Variants in DNM2 observed in about 807,000 individuals in gnomAD.
DNM2 encodes the protein dynamin 2.
DNM2 carries 15 observed loss-of-function variants against 99.0 expected under a neutral mutation model. The observed-to-expected ratio is 0.15, with a 90% CI of 0.10 to 0.23. The LOEUF is 0.23. DNM2 is among the 10% of genes least tolerant of loss of function. DNM2 has a pLI of 1.00. For synonymous variants in DNM2, 525 were observed against 481.2 expected (o/e 1.09, Z -1.19); for missense variants, 742 against 1,189.4 (o/e 0.62, Z 5.53).
intron 7 of DNM2, among the ~76,000 whole-genome samples, chr19:10,790,049 A>G (rs1442342575): frequency 1.3e-5 from 2 of 152,212 alleles, no homozygotes; most frequent in East Asian, 1.9e-4. Context: ...TCCTGTCAAG[A>G]GCTGGGCCTT....
At position 10,775,584 on chromosome 19, in the gene DNM2, C is replaced by T. The variant is rs923509433; in HGVS notation, c.386-119C>T. ...GGTGTGGTTCAGGCAGAGTGTCAGG[C>T]GACATCCTCAAGTCTGAGCCCCGCG... On this transcript the variant is annotated intron_variant, in intron 3 of 20. Transcript: ENST00000389253. This position sits in a 1 kb window ranked among gnomAD's most constrained non-coding sequence, Gnocchi z 4.3. 1.7e-5 allele frequency: 19 copies of T among 1,099,808 alleles called. No homozygotes were observed. The highest frequency in any genetic ancestry group is 2.1e-4 in the Middle Eastern group (1 of 4,710). 68.1% of individuals were successfully genotyped at this position (1,099,808 alleles called of 1,614,324 possible).
Position 10,795,970 on chromosome 19 carries a change from T to C in DNM2, c.1196+531T>C, listed in dbSNP as rs1293792776. The C allele has an allele frequency of 1.4e-5, 22 of 1,597,768 alleles. No individual in the cohort carries two copies. The highest frequency in any genetic ancestry group is 1.7e-5 in the Non-Finnish European group (20 of 1,173,682). ...CACATGACACAACCTTCATTCCTTG[T>C]TGGGGACCCGGCCAGGGCCAATGAA... On this transcript the variant is annotated intron_variant, in intron 9 of 20. Coordinates refer to ENST00000389253, the MANE Select transcript of DNM2 (RefSeq NM_001005361.3). The surrounding 1 kb of genome is among the most constrained non-coding windows in gnomAD (Gnocchi z 4.2).
chr19:10,718,431 C>T (rs574562384), intron 1 of DNM2, 28 bp downstream of exon 1: 90 of 1,419,744 alleles, frequency 6.3e-5, no homozygotes, highest in Non-Finnish European at 6.9e-5. Context: ...GGATCGCGGG[C>T]GGGTGGCGGC....
At chr19:10,826,972 T>C (rs1467400641) in intron 18 of DNM2, among the ~76,000 whole-genome samples, 1 of 151,668 alleles carries the variant, frequency 6.6e-6, no homozygotes, top group East Asian at 1.9e-4. Context: ...AGGGTGTGGC[T>C]GGGCATGGTG....
At position 10,759,614 on chromosome 19, in the gene DNM2, G is replaced by C. The variant is rs1599494923; in HGVS notation, c.162-124G>C. On this transcript the variant is annotated intron_variant, in intron 1 of 20. Coordinates refer to ENST00000389253, the MANE Select transcript of DNM2 (RefSeq NM_001005361.3). ...CAGAGCATTCCCCAGGGCCCAGCTG[G>C]GGTTGGTGCCTTTGCTGAGGTCGCC... The C allele has an allele frequency of 2.7e-6, 3 of 1,119,948 alleles. No homozygotes were observed. In the East Asian group the frequency reaches 7.1e-5, roughly 26 times the overall value. 69.4% of individuals were successfully genotyped at this position (1,119,948 alleles called of 1,614,324 possible).
At chr19:10,730,068 T>A (rs2069258329) in intron 1 of DNM2, among the ~76,000 whole-genome samples, 1 of 152,248 alleles carries the variant, frequency 6.6e-6, no homozygotes, top group African/African-American at 2.4e-5. Context: ...TTCTCTATGT[T>A]GCCAAGGCTG....
At chr19:10,783,684 A>G (rs1296710775) in intron 6 of DNM2, among the ~76,000 whole-genome samples, 1 of 134,634 alleles carries the variant, frequency 7.4e-6, no homozygotes, top group Non-Finnish European at 1.7e-5. Flanking sequence ...ATTTATTATT[A>G]TTATTATTAT....
intron 1 of DNM2, among the ~76,000 whole-genome samples, chr19:10,739,990 C>G (rs543240293): frequency 2.0e-5 from 3 of 148,952 alleles, no homozygotes; most frequent in African/African-American, 4.9e-5. Context: ...TCTGTGTCTT[C>G]TTGAGTCAGT....
At chr19:10,738,140 C>T (rs1280420122) in intron 1 of DNM2, among the ~76,000 whole-genome samples, 1 of 152,054 alleles carries the variant, frequency 6.6e-6, no homozygotes, top group Non-Finnish European at 1.5e-5. Context: ...TGCTTGTAAT[C>T]CCAGCACTTT....
intron 12 of DNM2, among the ~76,000 whole-genome samples, 199 bp from the exon 13 acceptor site, chr19:10,805,717 A>G (rs369561489): frequency 3.3e-5 from 5 of 152,260 alleles, no homozygotes; most frequent in African/African-American, 1.2e-4. Context: ...AGAAGCCTCA[A>G]TTGAACCAGA....
chr19:10,720,514 C>T (rs904698468), intron 1 of DNM2, among the ~76,000 whole-genome samples: 15 of 151,972 alleles, frequency 9.9e-5, no homozygotes, highest in African/African-American at 3.1e-4. Context: ...AGCCTCGCCC[C>T]AGGAGTTCCA....
At chr19:10,824,673 C>T (rs2073085604) in intron 17 of DNM2, 1 of 268,960 alleles carries the variant, frequency 3.7e-6, no homozygotes, top group Non-Finnish European at 7.3e-6. Context: ...CATGGTGGCG[C>T]ACCCCTGTAA....
chr19:10,731,155 C>A (rs1441035321), intron 1 of DNM2, among the ~76,000 whole-genome samples: 1 of 152,050 alleles, frequency 6.6e-6, no homozygotes, highest in African/African-American at 2.4e-5. Context: ...ACCAGGCCAG[C>A]CCTGGGGAAA....
In DNM2 at chr19:10,775,627, A is replaced by T; in HGVS notation, c.386-76A>T. 1 of 1,550,798 alleles carries T rather than the reference A, an allele frequency of 6.4e-7. No homozygotes were observed. The highest frequency in any genetic ancestry group is 8.9e-7 in the Non-Finnish European group (1 of 1,123,926). ...GCCCCGCGCAGGAACTTTGGTAGTCAGCTGGGTGGCTGCGGGCCTGTTTGT... is the reference window on the plus strand; with the variant it reads ...GCCCCGCGCAGGAACTTTGGTAGTCTGCTGGGTGGCTGCGGGCCTGTTTGT... On this transcript the variant is annotated intron_variant, in intron 3 of 20. Transcript: ENST00000389253. This position sits in a 1 kb window ranked among gnomAD's most constrained non-coding sequence, Gnocchi z 4.3.
intron 1 of DNM2, among the ~76,000 whole-genome samples, chr19:10,741,082 A>G (rs1428727199): frequency 2.0e-5 from 3 of 152,198 alleles, no homozygotes; most frequent in South Asian, 4.1e-4. Flanking sequence ...CACATCTGTC[A>G]GGTCTTATTG....
chr19:10,786,535 C>G (rs199573540), intron 6 of DNM2, 29 bp from the exon 7 acceptor site: 244 of 1,613,660 alleles, frequency 1.5e-4, no homozygotes, highest in Non-Finnish European at 2.0e-4. Context: ...CCATGCCACC[C>G]TTTCTGATCT....
rs2073282434 is a variant in DNM2, at chr19:10,830,069, A to T, written c.2292-58A>T. On this transcript the variant is annotated intron_variant, in intron 19 of 20. Coordinates refer to ENST00000389253, the MANE Select transcript of DNM2 (RefSeq NM_001005361.3). The surrounding 1 kb of genome is among the most constrained non-coding windows in gnomAD (Gnocchi z 4.8). ...CTCAGGTTCTGGCAGCCACAGTGGC[A>T]TGGCGGGGGCTCCTACTCCATCTGT... The T allele has an allele frequency of 2.5e-6, 4 of 1,612,776 alleles. No homozygotes were observed. In the South Asian group the frequency reaches 4.4e-5, roughly 18 times the overall value.
chr19:10,741,842 C>T (rs550867593), intron 1 of DNM2, among the ~76,000 whole-genome samples: 1 of 152,040 alleles, frequency 6.6e-6, no homozygotes, highest in Non-Finnish European at 1.5e-5. Flanking sequence ...TGAGCCACCA[C>T]GCCTGGCCAA....
At chr19:10,771,194 C>G (rs573359768) in intron 2 of DNM2, among the ~76,000 whole-genome samples, 1 of 152,216 alleles carries the variant, frequency 6.6e-6, no homozygotes, top group East Asian at 1.9e-4. Flanking sequence ...CATCTGGAAA[C>G]GTCAAGGCTT....
Sources: gnomAD v4.1 joint callset for allele counts (sites outside exome capture counted in the v4.1 genomes callset) on GRCh38, gnomAD v4.1.1 for gene constraint, Gnocchi (gnomAD v3.1) non-coding constraint, MANE v1.5 for transcripts, NCBI Gene and HGNC (gene_info 2026-07-23, HGNC 2026-07-21) for gene names.